The following FBXW10B variants were observed in gnomAD, a reference collection of about 807,000 sequenced individuals.
FBXW10B encodes F-box and WD repeat domain containing protein 10B.
chr17:15,598,560 T>A, the FBXW10B span: 1 of 1,613,820 alleles, frequency 6.2e-7, no homozygotes, highest in Non-Finnish European at 8.5e-7. Context: ...TTCCTCCAGA[T>A]ACGAGCCTGT....
the FBXW10B span, chr17:15,598,868 A>G: frequency 2.4e-5 from 21 of 881,394 alleles, no homozygotes; most frequent in Admixed American, 1.3e-4. Context: ...CCTCATTGAT[A>G]AAATGGAAAT....
the FBXW10B span, among the ~76,000 whole-genome samples, chr17:15,567,700 A>G: frequency 6.6e-6 from 1 of 152,192 alleles, no homozygotes; most frequent in Non-Finnish European, 1.5e-5. Context: ...TCTCAGAGAA[A>G]AGAAGAATTC....
At chr17:15,618,334 A>G in the FBXW10B span, among the ~76,000 whole-genome samples, 1 of 152,098 alleles carries the variant, frequency 6.6e-6, no homozygotes, top group Non-Finnish European at 1.5e-5. Flanking sequence ...TCAAAAAAAA[A>G]AGAAAAGGAA....
At chr17:15,574,053 G>A in the FBXW10B span, 1 of 684,810 alleles carries the variant, frequency 1.5e-6, no homozygotes, top group Non-Finnish European at 2.6e-6. Flanking sequence ...ACGCTGCTGG[G>A]AGAGGAATGT....
chr17:15,586,843 G>T, the FBXW10B span, among the ~76,000 whole-genome samples: 1 of 151,590 alleles, frequency 6.6e-6, no homozygotes, highest in Non-Finnish European at 1.5e-5. Context: ...TAGAGATTAG[G>T]GAGGAGATTA....
chr17:15,601,175 C>T, the FBXW10B span, among the ~76,000 whole-genome samples: 65 of 150,102 alleles, frequency 4.3e-4, 2 homozygotes, highest in African/African-American at 1.4e-3. Context: ...TTTGGGAGGC[C>T]GAGGCGGGCG....
chr17:15,619,365 C>A, the FBXW10B span: 1 of 1,613,820 alleles, frequency 6.2e-7, no homozygotes, highest in East Asian at 2.2e-5. Flanking sequence ...TGTGATATGT[C>A]ATTGATCCTG....
At chr17:15,586,989 G>A in the FBXW10B span, among the ~76,000 whole-genome samples, 2 of 151,700 alleles carry the variant, frequency 1.3e-5, no homozygotes, top group Non-Finnish European at 2.9e-5. Context: ...GGCGTCTTGG[G>A]AGCTAGAGTG....
chr17:15,602,465 T>C, the FBXW10B span, among the ~76,000 whole-genome samples: 1 of 151,272 alleles, frequency 6.6e-6, no homozygotes, highest in Non-Finnish European at 1.5e-5. Flanking sequence ...AAAAACTGAA[T>C]GCAAAAGATA....
chr17:15,599,780 C>A, the FBXW10B span, among the ~76,000 whole-genome samples: 1 of 151,914 alleles, frequency 6.6e-6, no homozygotes, highest in African/African-American at 2.4e-5. Flanking sequence ...TGAGACAGGA[C>A]AAAGCAGAAT....
At chr17:15,569,673 G>A in the FBXW10B span, among the ~76,000 whole-genome samples, 9 of 151,560 alleles carry the variant, frequency 5.9e-5, no homozygotes, top group Non-Finnish European at 1.0e-4. Flanking sequence ...GGGCTCAAGC[G>A]TTTCTCCTGC....
chr17:15,609,373 C>G, the FBXW10B span, among the ~76,000 whole-genome samples: 1 of 151,400 alleles, frequency 6.6e-6, no homozygotes, highest in Non-Finnish European at 1.5e-5. Flanking sequence ...CCTGCCTCCC[C>G]TCCAGTGTCC....
chr17:15,593,256 G>A, the FBXW10B span: 1 of 1,601,256 alleles, frequency 6.2e-7, no homozygotes, highest in Non-Finnish European at 8.5e-7. Flanking sequence ...GCAAATCCAG[G>A]GCTGGTATCC....
the FBXW10B span, among the ~76,000 whole-genome samples, chr17:15,578,518 A>T: frequency 3.9e-5 from 6 of 152,198 alleles, no homozygotes; most frequent in Non-Finnish European, 8.8e-5. Flanking sequence ...ATAAATTAAA[A>T]ATAAGGAGGC....
At chr17:15,603,413 T>G in the FBXW10B span, among the ~76,000 whole-genome samples, 1 of 152,124 alleles carries the variant, frequency 6.6e-6, no homozygotes. Flanking sequence ...ATATACACAT[T>G]GTATTGGTTC....
chr17:15,608,783 C>T, the FBXW10B span, among the ~76,000 whole-genome samples: 2 of 152,206 alleles, frequency 1.3e-5, no homozygotes, highest in African/African-American at 4.8e-5. Context: ...TTTCATACAT[C>T]TGCAACTTTC....
the FBXW10B span, among the ~76,000 whole-genome samples, chr17:15,616,654 A>C: frequency 6.6e-6 from 1 of 151,812 alleles, no homozygotes; most frequent in Admixed American, 6.6e-5. Context: ...AATACAAAAA[A>C]AATTAGCCGG....
chr17:15,584,288 T>G, the FBXW10B span, among the ~76,000 whole-genome samples: 5 of 152,216 alleles, frequency 3.3e-5, no homozygotes, highest in African/African-American at 1.2e-4. Flanking sequence ...ATGATGTTGA[T>G]GCAAAAAATA....
chr17:15,608,244 T>A, the FBXW10B span, among the ~76,000 whole-genome samples: 2 of 143,876 alleles, frequency 1.4e-5, no homozygotes, highest in African/African-American at 5.2e-5. Context: ...CACTGCAACC[T>A]CCGCCCTCCT....
Sources: gnomAD v4.1 joint callset for allele counts (sites outside exome capture counted in the v4.1 genomes callset) on GRCh38, gnomAD v4.1.1 for gene constraint, MANE v1.5 for transcripts, NCBI Gene and HGNC (gene_info 2026-07-23, HGNC 2026-07-21) for gene names.